Variants in FBN1 observed in about 807,000 individuals in gnomAD.
The protein encoded by FBN1 is fibrillin-1.
Under a neutral mutation model 365.1 loss-of-function variants are expected in FBN1, and 29 were observed. The observed-to-expected ratio is 0.08, with a 90% CI of 0.06 to 0.11. The LOEUF is 0.11. Ranked by LOEUF, FBN1 falls within the 10% of genes least tolerant of loss-of-function variation. FBN1 has a pLI of 1.00. For synonymous variants in FBN1, 1,210 were observed against 1,270.5 expected (o/e 0.95, Z 1.01); for missense variants, 2,476 against 3,703.2 (o/e 0.67, Z 8.60).
chr15:48,543,746 T>C (rs1335617322), intron 6 of FBN1, among the ~76,000 whole-genome samples: 2 of 152,206 alleles, frequency 1.3e-5, no homozygotes, highest in Non-Finnish European at 2.9e-5. Context: ...AACTGGATAC[T>C]GTTTCTAAAA....
intron 6 of FBN1, among the ~76,000 whole-genome samples, chr15:48,564,391 C>T (rs1321911396): frequency 1.3e-5 from 2 of 152,088 alleles, no homozygotes; most frequent in Non-Finnish European, 2.9e-5. Context: ...GATACAAAGC[C>T]AATGCGGTTT....
At chr15:48,629,597 C>T (rs1252863188) in intron 2 of FBN1, among the ~76,000 whole-genome samples, 1 of 152,076 alleles carries the variant, frequency 6.6e-6, no homozygotes, top group East Asian at 1.9e-4. Context: ...TTAGGACACA[C>T]ATTGAAATAT....
chr15:48,457,758 T>C (rs1294912895), intron 43 of FBN1, among the ~76,000 whole-genome samples: 1 of 152,154 alleles, frequency 6.6e-6, no homozygotes, highest in Non-Finnish European at 1.5e-5. Context: ...TTGGCTGAAT[T>C]ATCACAGCCA....
chr15:48,644,520 C>T (rs1289917149), intron 2 of FBN1, 86 bp downstream of exon 2: 1 of 1,596,352 alleles, frequency 6.3e-7, no homozygotes, highest in Non-Finnish European at 8.6e-7. Flanking sequence ...GCCAAGGAGT[C>T]TTCCACAGGG....
intron 27 of FBN1, among the ~76,000 whole-genome samples, chr15:48,487,876 C>T (rs1380200557): frequency 1.3e-5 from 2 of 152,146 alleles, no homozygotes; most frequent in African/African-American, 2.4e-5. Context: ...CCTGGGTATC[C>T]ATTTCAGGTG....
At chr15:48,612,899 ACTATC>A (rs2044667817) in intron 3 of FBN1, 106 bp downstream of exon 3, 1 of 831,732 alleles carries the variant, frequency 1.2e-6, no homozygotes, top group Admixed American at 1.7e-5. Flanking sequence ...GGAAGGCTGT[ACTATC>A]AACAGATTAA....
intron 58 of FBN1, among the ~76,000 whole-genome samples, chr15:48,426,095 A>T (rs1262469621): frequency 1.3e-5 from 2 of 152,266 alleles, no homozygotes; most frequent in African/African-American, 2.4e-5. Flanking sequence ...CCACAGAAAA[A>T]CTTTAAAAAC....
At chr15:48,609,607 C>A (rs1056506490) in intron 4 of FBN1, among the ~76,000 whole-genome samples, 1 of 152,202 alleles carries the variant, frequency 6.6e-6, no homozygotes, top group African/African-American at 2.4e-5. Flanking sequence ...GGCAAGGAAG[C>A]TGAGGCACTT....
chr15:48,446,593 CATAAG>C, intron 47 of FBN1, 108 bp downstream of exon 47: 1 of 763,690 alleles, frequency 1.3e-6, no homozygotes, highest in Non-Finnish European at 2.4e-6. Context: ...AATTGTTATG[CATAAG>C]ATAGCATACA....
At position 48,421,932 on chromosome 15, in the gene FBN1, T is replaced by G. The variant is rs1323030606; in HGVS notation, c.7570+20A>C. ...AAGAATCGCTACAATCCATGTAGGA[T>G]TTTTTCCTCTCCTACTCACCAATGC... is the stretch of plus-strand genomic sequence containing the variant. On this transcript the variant is annotated intron_variant, in intron 61 of 65. Coordinates refer to ENST00000316623, the MANE Select transcript of FBN1 (RefSeq NM_000138.5). 1.3e-6 allele frequency: 2 copies of G among 1,541,448 alleles called. No individual in the cohort carries two copies. The highest frequency in any genetic ancestry group is 1.8e-6 in the Non-Finnish European group (2 of 1,113,904).
chr15:48,535,394 G>T (rs2044005515), intron 7 of FBN1, among the ~76,000 whole-genome samples: 1 of 152,164 alleles, frequency 6.6e-6, no homozygotes. Context: ...GGACTAACTT[G>T]GGTTCTTATG....
At chr15:48,460,094 C>G (rs375868340) in intron 43 of FBN1, 152 bp downstream of exon 43, 1 of 686,866 alleles carries the variant, frequency 1.5e-6, no homozygotes, top group African/African-American at 1.8e-5. Context: ...GGTGTTTGCA[C>G]AGTTTGTTTC....
At chr15:48,530,966 G>A (rs1466387326) in intron 8 of FBN1, among the ~76,000 whole-genome samples, 1 of 152,098 alleles carries the variant, frequency 6.6e-6, no homozygotes, top group African/African-American at 2.4e-5. Flanking sequence ...CCTTAATTAC[G>A]CTTTTTATTT....
At chr15:48,583,164 C>T (rs994360031) in intron 6 of FBN1, among the ~76,000 whole-genome samples, 1 of 152,194 alleles carries the variant, frequency 6.6e-6, no homozygotes, top group African/African-American at 2.4e-5. Context: ...TATACATCTC[C>T]AGTCATTAGC....
rs200885368 is a variant in FBN1 at position 48,492,584 on chromosome 15, T to C, written c.2731A>G (p.Ile911Val). 3 of 1,599,808 alleles carry C rather than the reference T, an allele frequency of 1.9e-6. No homozygotes were observed. Among genetic ancestry groups the C allele is most frequent in the East Asian group, 2.2e-5 (1 of 44,794 alleles). Residue 911 changes from isoleucine to valine, a missense_variant and splice_region_variant, in exon 24 of 66, where the codon ATA (isoleucine) becomes GTA (valine). This residue lies in a region of FBN1 where 1,780 missense variants were observed against 2,840.8 expected (regional missense o/e 0.63). Coordinates refer to ENST00000316623, the MANE Select transcript of FBN1 (RefSeq NM_000138.5). ...CCTGGGAACACTTCACATTCATCTA[T>C]ATCTAAAAAGAAAAAAAAAGTATAA... ...SRIKGTQCEDIDECEVFPGVC... is the reference protein window; with the variant it reads ...SRIKGTQCEDVDECEVFPGVC...
chr15:48,428,310 C>T (rs766046003), intron 57 of FBN1, 36 bp downstream of exon 57: 8 of 1,613,162 alleles, frequency 5.0e-6, no homozygotes, highest in African/African-American at 2.7e-5. Flanking sequence ...AGTGTGGAGG[C>T]TGAGGTTAGG....
At chr15:48,474,172 A>G (rs2043400162) in intron 34 of FBN1, 83 bp downstream of exon 34, 1 of 1,597,302 alleles carries the variant, frequency 6.3e-7, no homozygotes, top group African/African-American at 1.3e-5. Flanking sequence ...CCAGTCTTCA[A>G]AAAAGAATTG....
intron 19 of FBN1, 57 bp from the exon 20 acceptor site, chr15:48,496,282 CT>C (rs2043608278): frequency 1.9e-6 from 3 of 1,609,670 alleles, no homozygotes; most frequent in Non-Finnish European, 2.5e-6. Flanking sequence ...CCTGTATCTA[CT>C]TTGCTCTTTT....
intron 44 of FBN1, among the ~76,000 whole-genome samples, chr15:48,455,207 G>A (rs977754055): frequency 2.0e-5 from 3 of 152,240 alleles, no homozygotes; most frequent in African/African-American, 7.2e-5. Context: ...GAAATCAGAA[G>A]TTGGAGCACT....
Sources: allele counts gnomAD v4.1 joint callset (sites outside exome capture counted in the v4.1 genomes callset), GRCh38; gene constraint gnomAD v4.1.1; regional missense constraint gnomAD v4.1.1; transcripts MANE v1.5; gene names NCBI Gene and HGNC (gene_info 2026-07-23, HGNC 2026-07-21).